TMED4: variants seen among roughly 807,000 people sequenced by gnomAD.
TMED4 encodes transmembrane emp24 domain-containing protein 4.
A neutral mutation model predicts 26.5 loss-of-function variants in TMED4; 19 were observed. That is an observed-to-expected ratio of 0.72 (90% confidence interval 0.50 to 1.05). TMED4 has a LOEUF of 1.05. Ranked by LOEUF, TMED4 falls within the 50% of genes least tolerant of loss-of-function variation. The pLI is 0.00. For missense variants in TMED4, 303 were observed against 302.5 expected (o/e 1.00, Z -0.01); for synonymous variants, 121 against 119.8 (o/e 1.01, Z -0.07).
chr7:44,581,903 C>T (rs1317547725), intron 1 of TMED4, 80 bp from the exon 2 acceptor site: 32 of 1,585,316 alleles, frequency 2.0e-5, no homozygotes, highest in Non-Finnish European at 2.7e-5. Context: ...CGGCCCGGAG[C>T]TCTAGGCAGG....
chr7:44,581,403 A>C, intron 3 of TMED4, 46 bp downstream of exon 3: 1 of 1,612,558 alleles, frequency 6.2e-7, no homozygotes, highest in South Asian at 1.1e-5. Flanking sequence ...AAATTTGGAA[A>C]CAAGTGAGAG....
chr7:44,579,565 T>C lies in TMED4; in HGVS notation c.598A>G (p.Ile200Val), dbSNP rs1802915729. The C allele has an allele frequency of 1.2e-6, 2 of 1,614,020 alleles. No individual in the cohort carries two copies. The highest frequency in any genetic ancestry group is 1.7e-6 in the Non-Finnish European group (2 of 1,180,014). The change falls in exon 5 of 5, where the codon ATT (isoleucine) becomes GTT (valine). Residue 200 changes from isoleucine (I) to valine (V), a missense_variant. Transcript: ENST00000457408. Reference sequence around the variant, plus strand: ...AGGATGAGGATGACAGTCTGAGCAATGGACCACCATAGGACCCTCTGGTTG... The same window carrying C: ...AGGATGAGGATGACAGTCTGAGCAACGGACCACCATAGGACCCTCTGGTTG... Reference protein sequence around the residue: ...STNQRVLWWSIAQTVILILTG... With the variant: ...STNQRVLWWSVAQTVILILTG...
Position 44,577,951 on chromosome 7 carries a change from C to T in TMED4, c.*1528G>A, listed in dbSNP as rs2117138656. 6.6e-6 allele frequency: 1 copy of T among 151,840 alleles called. No homozygotes were observed. Among genetic ancestry groups the T allele is most frequent in the East Asian group, 1.9e-4 (1 of 5,174 alleles). 9.4% of individuals were successfully genotyped at this position (151,840 alleles called of 1,614,324 possible). On this transcript the variant is annotated 3_prime_UTR_variant, in exon 5 of 5. Coordinates refer to ENST00000457408, the MANE Select transcript of TMED4 (RefSeq NM_182547.4). ...ATTTCAAATAAATATATAATAAAAA[C>T]TGAAATAAAATGTCAAGAATGGGGA...
At chr7:44,579,678 T>C in intron 4 of TMED4, 50 bp from the exon 5 acceptor site, 2 of 1,585,876 alleles carry the variant, frequency 1.3e-6, no homozygotes, top group Non-Finnish European at 1.7e-6. Flanking sequence ...AGTCTGGCTG[T>C]TGTGAGGTCC....
chr7:44,581,640 C>T (rs1220739482), intron 2 of TMED4, 66 bp from the exon 3 acceptor site: 3 of 1,613,734 alleles, frequency 1.9e-6, no homozygotes, highest in African/African-American at 2.7e-5. Context: ...AGTTCCTGTC[C>T]CTTGAGGCCT....
At position 44,578,068 on chromosome 7, in the gene TMED4, A is replaced by G. The variant is rs1426435203; in HGVS notation, c.*1411T>C. 1.3e-5 allele frequency: 2 copies of G among 152,220 alleles called. No individual in the cohort carries two copies. The highest frequency in any genetic ancestry group is 2.4e-5 in the African/African-American group (1 of 41,448). The allele number at this position is 152,220 out of a possible 1,614,324, so 9.4% of individuals were successfully genotyped here. On this transcript the variant is annotated 3_prime_UTR_variant, in exon 5 of 5. Transcript: ENST00000457408. The stretch of plus-strand genomic sequence containing the variant: ...GACTGAGAGGGCTAAGAAGGTACTT[A>G]ATTTCCTCAGATGATACTTTGCGAA...
At chr7:44,581,322 G>C (rs1253062484) in intron 3 of TMED4, 83 bp from the exon 4 acceptor site, 2 of 1,598,174 alleles carry the variant, frequency 1.3e-6, no homozygotes, top group East Asian at 2.2e-5. Flanking sequence ...GTCCCTGGCT[G>C]TGGAGCAGAA....
rs769877931 is a variant in TMED4 at position 44,581,533 on chromosome 7, C to T, written c.303G>A (p.Thr101=). ...SRQYGSEGRF[T]FTSHTPGDHQ... is the part of the protein sequence containing the mutation. The stretch of plus-strand genomic sequence containing the variant: ...GGTCACCGGGCGTGTGGGAGGTGAA[C>T]GTGAAGCGGCCCTCCGAGCCGTACT... The change falls in exon 3 of 5, where the codon ACG becomes ACA. Residue 101 remains threonine, a synonymous_variant. Coordinates refer to ENST00000457408, the MANE Select transcript of TMED4 (RefSeq NM_182547.4). 6.2e-7 allele frequency: 1 copy of T among 1,614,160 alleles called. No individual in the cohort carries two copies. Among genetic ancestry groups the T allele is most frequent in the Non-Finnish European group, 8.5e-7 (1 of 1,180,036 alleles).
Position 44,581,801 on chromosome 7 carries a change from C to T in TMED4, c.183G>A (p.Trp61Ter). 3 of 1,614,224 alleles carry T rather than the reference C, an allele frequency of 1.9e-6. No individual in the cohort carries two copies. Among genetic ancestry groups the T allele is most frequent in the Non-Finnish European group, 2.5e-6 (3 of 1,180,038 alleles). ...GCAGGAAGACCTCCTTCTGCTTATC[C>T]CACATCTGGGTACGATAGTTGCCTG... ...MVIGNYRTQM[W>*]DKQKEVFLPS... The change falls in exon 2 of 5, where the codon TGG (tryptophan) becomes TGA (stop). Residue 61 changes from tryptophan to a stop codon, truncating the protein, a stop_gained. Transcript: ENST00000457408. LOFTEE classifies it high-confidence loss of function.
At chr7:44,581,978 C>A in intron 1 of TMED4, 69 bp downstream of exon 1, 1 of 1,523,568 alleles carries the variant, frequency 6.6e-7, no homozygotes. Context: ...CGGCTGGGCT[C>A]GGGAGGAGGG....
chr7:44,579,567 G>C lies in TMED4; in HGVS notation c.596C>G (p.Ser199Cys). ...ESTNQRVLWW[S>C]IAQTVILILT... ...GATGAGGATGACAGTCTGAGCAATG[G>C]ACCACCATAGGACCCTCTGGTTGGT... The change falls in exon 5 of 5, where the codon TCC becomes TGC. Residue 199 changes from serine to cysteine, a missense_variant. Ser to Cys is a moderately radical substitution (Grantham distance 112, BLOSUM62 -1). Transcript: ENST00000457408. 1 of 1,614,140 alleles carries C rather than the reference G, an allele frequency of 6.2e-7. No individual in the cohort carries two copies.
rs1802903001 is a variant in TMED4, at chr7:44,579,136, G to A, written c.*343C>T. On this transcript the variant is annotated 3_prime_UTR_variant, in exon 5 of 5. Transcript: ENST00000457408. The stretch of plus-strand genomic sequence containing the variant: ...GTGGCACATGCCAGTCACCTACTGC[G>A]TAAGTGGACAAAGAGAAAGCAGAAG... The A allele has an allele frequency of 1.5e-5, 3 of 201,430 alleles. No homozygotes were observed. The South Asian group carries it at 2.7e-4, about 18-fold the overall frequency. 12.5% of individuals were successfully genotyped at this position (201,430 alleles called of 1,614,324 possible).
At chr7:44,580,897 A>G in intron 4 of TMED4, 196 bp downstream of exon 4, 1 of 585,900 alleles carries the variant, frequency 1.7e-6, no homozygotes, top group Non-Finnish European at 2.9e-6. Flanking sequence ...GCAGTGAGCC[A>G]AGATCATGGC....
rs764597281 is a variant in TMED4, at chr7:44,581,585, T to G, written c.262-11A>C. 1 of 1,614,020 alleles carries G rather than the reference T, an allele frequency of 6.2e-7. No individual in the cohort carries two copies. Among genetic ancestry groups the G allele is most frequent in the Admixed American group, 1.7e-5 (1 of 59,992 alleles). On this transcript the variant is annotated splice_polypyrimidine_tract_variant and intron_variant, in intron 2 of 4. Coordinates refer to ENST00000457408, the MANE Select transcript of TMED4 (RefSeq NM_182547.4). ...CCGGGACAGCACCACCTGCAACATA[T>G]GTGAGTGAAGGCCCCACCTTTATAC...
At chr7:44,580,432 G>T in intron 4 of TMED4, 1 of 152,046 alleles carries the variant, frequency 6.6e-6, no homozygotes, top group South Asian at 2.1e-4. Flanking sequence ...GAGCCGAGAT[G>T]GCGCCACTGC....
In TMED4 at chr7:44,579,582, C is replaced by G. The variant is rs772981345; in HGVS notation, c.581G>C (p.Arg194Thr). 1.2e-6 allele frequency: 2 copies of G among 1,614,034 alleles called. No individual in the cohort carries two copies. Among genetic ancestry groups the G allele is most frequent in the East Asian group, 4.5e-5 (2 of 44,890 alleles). Residue 194 changes from arginine (R) to threonine (T), a missense_variant, in exon 5 of 5, where the codon AGG (arginine) becomes ACG (threonine). By Grantham distance (71) the Arg-to-Thr change is moderately conservative. Coordinates refer to ENST00000457408, the MANE Select transcript of TMED4 (RefSeq NM_182547.4). ...CTGAGCAATGGACCACCATAGGACC[C>G]TCTGGTTGGTGCTCTCGCTCGTCAG... ...FRLTSESTNQ[R>T]VLWWSIAQTV...
At position 44,578,091 on chromosome 7, in the gene TMED4, G is replaced by A. The variant is rs894207809; in HGVS notation, c.*1388C>T. On this transcript the variant is annotated 3_prime_UTR_variant, in exon 5 of 5. Coordinates refer to ENST00000457408, the MANE Select transcript of TMED4 (RefSeq NM_182547.4). ...TTAATTTCCTCAGATGATACTTTGC[G>A]AACATGTGGTCTATTTGGTTGACCT... is the stretch of plus-strand genomic sequence containing the variant. 4 of 152,146 alleles carry A rather than the reference G, an allele frequency of 2.6e-5. No homozygotes were observed. Among genetic ancestry groups the A allele is most frequent in the African/African-American group, 4.8e-5 (2 of 41,436 alleles). The allele number at this position is 152,146 out of a possible 1,614,324, so 9.4% of individuals were successfully genotyped here.
At chr7:44,581,885 C>G (rs1803013379) in intron 1 of TMED4, 62 bp from the exon 2 acceptor site, 1 of 1,592,720 alleles carries the variant, frequency 6.3e-7, no homozygotes, top group East Asian at 2.2e-5. Flanking sequence ...CCGGCCCCCT[C>G]CGACGTGCGG....
At chr7:44,581,027 C>CTT in intron 4 of TMED4, 66 bp downstream of exon 4, 1 of 1,563,318 alleles carries the variant, frequency 6.4e-7, no homozygotes, top group Non-Finnish European at 8.8e-7. Context: ...CAAGCAGAAA[C>CTT]TTGAGTAGGT....
Sources: gnomAD v4.1 joint callset for allele counts on GRCh38, gnomAD v4.1.1 for gene constraint, MANE v1.5 for transcripts, NCBI Gene and HGNC (gene_info 2026-07-23, HGNC 2026-07-21) for gene names.